The following ELAVL1 variants were observed in gnomAD, a reference collection of about 807,000 sequenced individuals.
The protein encoded by ELAVL1 is ELAV like RNA binding protein 1, also known as ELAV-like protein 1.
ELAVL1 carries 1 observed loss-of-function variant against 28.4 expected under a neutral mutation model. The observed-to-expected ratio is 0.04, with a 90% CI of 0.01 to 0.17. The LOEUF is 0.17. Ranked by LOEUF, ELAVL1 falls within the 10% of genes least tolerant of loss-of-function variation. The probability of loss-of-function intolerance (pLI) is 1.00; values close to 1 mark genes in which losing one functional copy is unlikely to be tolerated. For missense variants in ELAVL1, 157 were observed against 447.2 expected, an observed-to-expected ratio of 0.35 and a Z score of 5.85; for synonymous variants, 174 against 183.5, an observed-to-expected ratio of 0.95 and a Z score of 0.42.
intron 2 of ELAVL1, among the ~76,000 whole-genome samples, chr19:7,983,195 C>A (rs987498624): frequency 6.6e-6 from 1 of 152,200 alleles, no homozygotes; most frequent in African/African-American, 2.4e-5. Flanking sequence ...TAATAAAACT[C>A]CTCAGGGCTA....
intron 1 of ELAVL1, among the ~76,000 whole-genome samples, chr19:8,001,321 T>C (rs1169348620): frequency 1.3e-5 from 2 of 152,072 alleles, no homozygotes; most frequent in African/African-American, 2.4e-5. Context: ...CCAAGCCACC[T>C]CTCTCTAGCC....
At chr19:7,964,709 A>G (rs1451670875) in intron 5 of ELAVL1, among the ~76,000 whole-genome samples, 1 of 152,116 alleles carries the variant, frequency 6.6e-6, no homozygotes, top group African/African-American at 2.4e-5. Context: ...AAACTAAACT[A>G]AACTAAAATA....
chr19:7,959,146 A>G lies in ELAVL1; in HGVS notation c.*4337T>C, dbSNP rs1044886356. The G allele has an allele frequency of 1.3e-5, 2 of 152,746 alleles. No individual in the cohort carries two copies. Among genetic ancestry groups the G allele is most frequent in the Non-Finnish European group, 2.9e-5 (2 of 68,014 alleles). The allele number at this position is 152,746 out of a possible 1,614,324, so 9.5% of individuals were successfully genotyped here. A position where few individuals can be genotyped will look rare whatever the true frequency, so the allele number is the denominator to read the frequency against. On this transcript the variant is annotated 3_prime_UTR_variant, in exon 6 of 6. Transcript: ENST00000407627. ...TTCTGAAAATAATTTAAAAAGCTTA[A>G]AAGTTACATAGGCATCTTCAAAAGA... is the stretch of plus-strand genomic sequence containing the variant.
chr19:7,967,418 T>C lies in ELAVL1; in HGVS notation c.656+147A>G, dbSNP rs1351034629. On this transcript the variant is annotated intron_variant, in intron 5 of 5. Coordinates refer to ENST00000407627, the MANE Select transcript of ELAVL1 (RefSeq NM_001419.3). Reference sequence around the variant, plus strand: ...CCTACAGACACCTTTCTGATGGAGGTTGTGGTGTGGAGCTGCAGAATGATT... The same window carrying C: ...CCTACAGACACCTTTCTGATGGAGGCTGTGGTGTGGAGCTGCAGAATGATT... 10 of 863,224 alleles carry C rather than the reference T, an allele frequency of 1.2e-5. 1 individual carries two copies. In the South Asian group the frequency reaches 1.6e-4, roughly 14 times the overall value. The allele number at this position is 863,224 out of a possible 1,614,324, so 53.5% of individuals were successfully genotyped here.
rs538564156 is a variant in ELAVL1 at position 7,958,988 on chromosome 19, T to C, written c.*4495A>G. ...AAAGCTTCTTTATTAATCTGAAGTCTTCTGGGTTATCAAAATCTAGGTTTG... is the reference window on the plus strand; with the variant it reads ...AAAGCTTCTTTATTAATCTGAAGTCCTCTGGGTTATCAAAATCTAGGTTTG... On this transcript the variant is annotated 3_prime_UTR_variant, in exon 6 of 6. Coordinates refer to ENST00000407627, the MANE Select transcript of ELAVL1 (RefSeq NM_001419.3). 164 of 153,798 alleles carry C rather than the reference T, an allele frequency of 1.1e-3. 1 individual carries two copies. Among genetic ancestry groups the C allele is most frequent in the African/African-American group, 3.9e-3 (160 of 41,550 alleles). The allele number at this position is 153,798 out of a possible 1,614,324, so 9.5% of individuals were successfully genotyped here.
intron 1 of ELAVL1, among the ~76,000 whole-genome samples, chr19:8,000,021 C>G (rs1035952151): frequency 6.6e-6 from 1 of 152,230 alleles, no homozygotes; most frequent in African/African-American, 2.4e-5. Flanking sequence ...AGGTGATCCA[C>G]CCGCCTTGGC....
intron 1 of ELAVL1, among the ~76,000 whole-genome samples, chr19:8,003,882 A>AT (rs1167614053): frequency 6.6e-6 from 1 of 152,140 alleles, no homozygotes; most frequent in African/African-American, 2.4e-5. Context: ...CCAGCACAGA[A>AT]CTTTGCACAC....
intron 5 of ELAVL1, 110 bp downstream of exon 5, chr19:7,967,455 T>C: frequency 8.2e-7 from 1 of 1,221,040 alleles, no homozygotes. Context: ...TGAAACGCGC[T>C]CTCTGACGGG....
intron 2 of ELAVL1, among the ~76,000 whole-genome samples, chr19:7,988,328 A>T (rs1985658922): frequency 6.6e-6 from 1 of 152,164 alleles, no homozygotes; most frequent in South Asian, 2.1e-4. Flanking sequence ...GAGGTGGCAG[A>T]CAGAGGGCAG....
rs1261712501 is a variant in ELAVL1, at chr19:7,962,221, C to T, written c.*1262G>A. 6.5e-6 allele frequency: 1 copy of T among 153,716 alleles called. No individual in the cohort carries two copies. The highest frequency in any genetic ancestry group is 2.4e-5 in the African/African-American group (1 of 41,424). The allele number at this position is 153,716 out of a possible 1,614,324, so 9.5% of individuals were successfully genotyped here. A position where few individuals can be genotyped will look rare whatever the true frequency, so the allele number is the denominator to read the frequency against. ...TCCTCCCTGAATGCTGGGCCACCTG[C>T]ACCTTCCCTAGCCAAAAAGAAAGAA... is the stretch of plus-strand genomic sequence containing the variant. On this transcript the variant is annotated 3_prime_UTR_variant, in exon 6 of 6. Coordinates refer to ENST00000407627, the MANE Select transcript of ELAVL1 (RefSeq NM_001419.3).
chr19:8,004,066 C>T (rs11883400), intron 1 of ELAVL1, among the ~76,000 whole-genome samples: 23,056 of 152,182 alleles, frequency 0.15, 2,129 homozygotes, highest in Non-Finnish European at 0.21. Flanking sequence ...GCCTCAGTTT[C>T]TTCATCTCTA....
At position 7,982,331 on chromosome 19, in the gene ELAVL1, C is replaced by G. The variant is rs762749442; in HGVS notation, c.173-1145G>C. ...ACATCTGCTGTGGGCCTGAGCCTCACCCAGCACTGCTCCATTCCCCCAGCC... is the reference window on the plus strand; with the variant it reads ...ACATCTGCTGTGGGCCTGAGCCTCAGCCAGCACTGCTCCATTCCCCCAGCC... On this transcript the variant is annotated intron_variant, in intron 2 of 5. Transcript: ENST00000407627. This position sits in a 1 kb window ranked among gnomAD's most constrained non-coding sequence, Gnocchi z 4.3. Among the ~76,000 whole-genome samples the G allele has an allele frequency of 7.9e-5, 12 of 152,336 alleles. No individual in the cohort carries two copies. Among genetic ancestry groups the G allele is most frequent in the Non-Finnish European group, 1.3e-4 (9 of 68,036 alleles).
chr19:7,984,926 TG>T (rs897513339), intron 2 of ELAVL1, among the ~76,000 whole-genome samples: 1 of 151,774 alleles, frequency 6.6e-6, no homozygotes, highest in African/African-American at 2.4e-5. Context: ...AAGGAGGAGG[TG>T]GGGGGGTTGC....
intron 4 of ELAVL1, among the ~76,000 whole-genome samples, chr19:7,969,602 C>T (rs551525788): frequency 5.9e-5 from 9 of 152,270 alleles, no homozygotes; most frequent in East Asian, 5.8e-4. Context: ...GAGTCTCTCA[C>T]GACACGAATG....
chr19:7,970,101 T>C (rs975910771), intron 4 of ELAVL1, among the ~76,000 whole-genome samples: 7 of 152,100 alleles, frequency 4.6e-5, no homozygotes, highest in African/African-American at 1.7e-4. Context: ...GCCTCCCGAG[T>C]AGGTGGGACT....
chr19:8,002,693 G>A (rs190639866), intron 1 of ELAVL1, among the ~76,000 whole-genome samples: 52 of 152,378 alleles, frequency 3.4e-4, no homozygotes, highest in African/African-American at 1.2e-3. Flanking sequence ...GTGGCAGTCA[G>A]ACGAGGCTTC....
At position 7,982,315 on chromosome 19, in the gene ELAVL1, G is replaced by A. The variant is rs1243823225; in HGVS notation, c.173-1129C>T. ...CTTGCAAGGCTGCTGAACATCTGCT[G>A]TGGGCCTGAGCCTCACCCAGCACTG... On this transcript the variant is annotated intron_variant, in intron 2 of 5. Coordinates refer to ENST00000407627, the MANE Select transcript of ELAVL1 (RefSeq NM_001419.3). The surrounding 1 kb of genome is among the most constrained non-coding windows in gnomAD (Gnocchi z 4.3). Among the ~76,000 whole-genome samples, 1 of 152,128 alleles carries A rather than the reference G, an allele frequency of 6.6e-6. No individual in the cohort carries two copies. Among genetic ancestry groups the A allele is most frequent in the Non-Finnish European group, 1.5e-5 (1 of 68,010 alleles).
intron 4 of ELAVL1, among the ~76,000 whole-genome samples, chr19:7,972,390 C>T (rs974491569): frequency 3.9e-5 from 6 of 152,258 alleles, no homozygotes; most frequent in Non-Finnish European, 8.8e-5. Context: ...CTCTGCCTGA[C>T]GGCATCACAC....
rs758108261 is a variant in ELAVL1, at chr19:7,967,591, G to C, written c.630C>G (p.Pro210=). The C allele has an allele frequency of 1.5e-5, 25 of 1,613,868 alleles. No homozygotes were observed. In the South Asian group the frequency reaches 2.6e-4, roughly 17 times the overall value. The change falls in exon 5 of 6, where the codon CCC becomes CCG. Residue 210 remains proline (P), a synonymous_variant. Transcript: ENST00000407627. ...TGAATCTCTGCGCCTGGTGGTGAACGGGGCCTCCGAACCGTCGCGCTGGCG... is the reference window on the plus strand; with the variant it reads ...TGAATCTCTGCGCCTGGTGGTGAACCGGGCCTCCGAACCGTCGCGCTGGCG... ...YHSPARRFGG[P]VHHQAQRFRF...
Sources: allele counts gnomAD v4.1 joint callset (sites outside exome capture counted in the v4.1 genomes callset), GRCh38; gene constraint gnomAD v4.1.1; non-coding constraint Gnocchi (gnomAD v3.1); transcripts MANE v1.5; gene names NCBI Gene and HGNC (gene_info 2026-07-23, HGNC 2026-07-21).